The following POLA1 variants were observed in gnomAD, a reference collection of about 807,000 sequenced individuals.
The protein encoded by POLA1 is DNA polymerase alpha 1, catalytic subunit.
Under a neutral mutation model 124.0 loss-of-function variants are expected in POLA1, and 15 were observed. The observed-to-expected ratio is 0.12, with a 90% CI of 0.08 to 0.19. The LOEUF (loss-of-function observed/expected upper bound fraction) is 0.19. POLA1 is among the 10% of genes least tolerant of loss of function. POLA1 has a pLI of 1.00. For missense variants in POLA1, 886 were observed against 1,103.4 expected (o/e 0.80, Z 2.79); for synonymous variants, 408 against 389.4 (o/e 1.05, Z -0.56).
intron 35 of POLA1, among the ~76,000 whole-genome samples, chrX:24,916,819 C>T (rs1404793517): frequency 8.9e-6 from 1 of 112,288 alleles, no homozygotes; most frequent in Non-Finnish European, 1.9e-5. Flanking sequence ...TATGGCTATG[C>T]ATTTTATTCC....
chrX:24,864,512 C>T (rs1008982121), intron 34 of POLA1, among the ~76,000 whole-genome samples: 3 of 111,816 alleles, frequency 2.7e-5, no homozygotes, highest in African/African-American at 9.8e-5. Flanking sequence ...GCATTTGAGA[C>T]ATTATAAATC....
At chrX:24,775,138 G>A (rs1186288292) in intron 26 of POLA1, 1 of 111,073 alleles carries the variant, frequency 9.0e-6, no homozygotes, top group Non-Finnish European at 1.9e-5. Context: ...AAACTTTAGA[G>A]TGAAAGTCCT....
At chrX:24,856,464 A>G (rs1227526431) in intron 34 of POLA1, among the ~76,000 whole-genome samples, 1 of 112,048 alleles carries the variant, frequency 8.9e-6, no homozygotes, top group African/African-American at 3.2e-5. Flanking sequence ...ATTCACGTAC[A>G]GGTATTTTGT....
intron 4 of POLA1, among the ~76,000 whole-genome samples, chrX:24,713,255 G>T (rs912812505): frequency 3.7e-5 from 4 of 108,915 alleles, no homozygotes; most frequent in Non-Finnish European, 7.7e-5. Context: ...GAGCCACCGC[G>T]CCTGGCCTAC....
intron 22 of POLA1, among the ~76,000 whole-genome samples, chrX:24,742,765 A>G (rs1026166984): frequency 1.8e-5 from 2 of 111,731 alleles, no homozygotes; most frequent in African/African-American, 6.5e-5. Flanking sequence ...CTACTTAGGA[A>G]TGGATTTTCA....
intron 26 of POLA1, among the ~76,000 whole-genome samples, chrX:24,792,427 T>C (rs1315958577): frequency 8.9e-6 from 1 of 112,555 alleles, no homozygotes; most frequent in African/African-American, 3.2e-5. Flanking sequence ...CTGCCTCTGT[T>C]GTAAATTCTG....
chrX:24,790,832 T>C (rs1184595968), intron 26 of POLA1, among the ~76,000 whole-genome samples: 3 of 106,697 alleles, frequency 2.8e-5, no homozygotes, highest in South Asian at 8.3e-4. Flanking sequence ...GAAATTAGTG[T>C]CATATCCTGC....
intron 36 of POLA1, among the ~76,000 whole-genome samples, chrX:24,950,630 A>G (rs16983258): frequency 0.042 from 4,743 of 112,168 alleles, 276 homozygotes; most frequent in African/African-American, 0.15. Context: ...ATTGCCTTCC[A>G]TAAAGATTTT....
Position 24,741,401 on chromosome X carries a change from T to C in POLA1, c.2243T>C (p.Leu748Ser). The C allele has an allele frequency of 8.4e-7, 1 of 1,195,897 alleles. No individual in the cohort carries two copies. Among genetic ancestry groups the C allele is most frequent in the Non-Finnish European group, 1.1e-6 (1 of 881,473 alleles). ...GAATCTTCTCAACTGTTATACCTGT[T>C]GGAACACACCTGGAAAGATGCCAAG... ...YSESSQLLYLLEHTWKDAKFI... is the reference protein window; with the variant it reads ...YSESSQLLYLSEHTWKDAKFI... Residue 748 changes from leucine to serine, a missense_variant, in exon 21 of 37, where the codon TTG becomes TCG. By Grantham distance (145) the Leu-to-Ser change is moderately radical (BLOSUM62 -2). Coordinates refer to ENST00000379068, the MANE Select transcript of POLA1 (RefSeq NM_001330360.2).
intron 20 of POLA1, among the ~76,000 whole-genome samples, chrX:24,740,935 G>A (rs1236709571): frequency 9.1e-6 from 1 of 110,060 alleles, no homozygotes; most frequent in Non-Finnish European, 1.9e-5. Context: ...TTTATACTCT[G>A]TCTCCCCCGT....
At chrX:24,791,673 C>T (rs1220453832) in intron 26 of POLA1, among the ~76,000 whole-genome samples, 1 of 112,395 alleles carries the variant, frequency 8.9e-6, no homozygotes, top group Non-Finnish European at 1.9e-5. Context: ...CGTGAGCCAC[C>T]ACGCCCGGCC....
chrX:24,946,661 C>T (rs1054796859), intron 36 of POLA1, among the ~76,000 whole-genome samples: 2 of 111,686 alleles, frequency 1.8e-5, no homozygotes, highest in Non-Finnish European at 3.8e-5. Flanking sequence ...CATAAGTGAT[C>T]TCTTTGTCCT....
chrX:24,699,271 A>G (rs1385213158), intron 1 of POLA1, among the ~76,000 whole-genome samples, 154 bp from the exon 2 acceptor site: 2 of 112,469 alleles, frequency 1.8e-5, no homozygotes, highest in African/African-American at 6.5e-5. Flanking sequence ...ATGTTTGGCC[A>G]TGAGCTTTGT....
In POLA1 at chrX:24,899,235, G is replaced by A. The variant is rs138917983; in HGVS notation, c.4164+11113G>A. 3.1e-3 allele frequency among the ~76,000 whole-genome samples: 345 copies of A among 111,266 alleles called. 2 individuals are homozygous for A. The highest frequency in any genetic ancestry group is 0.01 in the African/African-American group (317 of 30,658). On this transcript the variant is annotated intron_variant, in intron 35 of 36. Transcript: ENST00000379068. ...AGCTTTATATATTTTTTTATTCATC[G>A]TGACTTTCTTCTGTTTTCCAAGGGT...
At chrX:24,799,329 C>T (rs914787417) in intron 26 of POLA1, among the ~76,000 whole-genome samples, 3 of 112,238 alleles carry the variant, frequency 2.7e-5, no homozygotes, top group Non-Finnish European at 5.6e-5. Flanking sequence ...GAGCTTCAGA[C>T]CAGGTGTTTA....
intron 4 of POLA1, among the ~76,000 whole-genome samples, chrX:24,712,185 A>C (rs1409115478): frequency 9.0e-6 from 1 of 110,933 alleles, no homozygotes. Flanking sequence ...TCCTGGTTTC[A>C]AGCGATTCTC....
intron 35 of POLA1, among the ~76,000 whole-genome samples, chrX:24,926,210 TAAATA>T (rs756279572): frequency 1.8e-5 from 2 of 109,117 alleles, no homozygotes; most frequent in South Asian, 4.0e-4. Context: ...TGTCTCACAA[TAAATA>T]AAATAAAAAT....
At chrX:24,863,263 C>CCG (rs1556010641) in intron 34 of POLA1, among the ~76,000 whole-genome samples, 2 of 107,233 alleles carry the variant, frequency 1.9e-5, no homozygotes, top group Admixed American at 1.0e-4. Flanking sequence ...AGTATGCCCC[C>CCG]CCCCATCTTC....
At chrX:24,964,868 A>G (rs757381514) in intron 36 of POLA1, among the ~76,000 whole-genome samples, 9 of 112,211 alleles carry the variant, frequency 8.0e-5, no homozygotes, top group Non-Finnish European at 1.3e-4. Context: ...CATTATTGCT[A>G]TTTCACCAAT....
Sources: gnomAD v4.1 joint callset for allele counts (sites outside exome capture counted in the v4.1 genomes callset) on GRCh38, gnomAD v4.1.1 for gene constraint, MANE v1.5 for transcripts, NCBI Gene and HGNC (gene_info 2026-07-23, HGNC 2026-07-21) for gene names.